Variants in PRKAG2 observed in about 807,000 individuals in gnomAD.
The protein encoded by PRKAG2 is 5'-AMP-activated protein kinase subunit gamma-2.
PRKAG2 carries 26 observed loss-of-function variants against 69.6 expected under a neutral mutation model. The observed-to-expected ratio is 0.37, with a 90% CI of 0.27 to 0.52. The LOEUF is 0.52. Ranked by LOEUF, PRKAG2 falls within the 20% of genes least tolerant of loss-of-function variation. The pLI is 0.90. For synonymous variants in PRKAG2, 293 were observed against 285.0 expected (o/e 1.03, Z -0.28); for missense variants, 557 against 740.0 (o/e 0.75, Z 2.87).
At chr7:151,574,276 C>CA (rs1808386233) in intron 8 of PRKAG2, among the ~76,000 whole-genome samples, 1 of 152,060 alleles carries the variant, frequency 6.6e-6, no homozygotes, top group African/African-American at 2.4e-5. Context: ...ACTAAAAACA[C>CA]AAAACCAAGC....
At chr7:151,703,845 AACACACACACACACAC>A (rs535818189) in intron 3 of PRKAG2, among the ~76,000 whole-genome samples, 1,356 of 88,530 alleles carry the variant, frequency 0.015, 21 homozygotes, top group South Asian at 0.032. Flanking sequence ...TTTACTGGAA[AACACACACACACACAC>A]ACACACACAC....
At chr7:151,579,237 G>T (rs1206477648) in intron 6 of PRKAG2, among the ~76,000 whole-genome samples, 2 of 152,114 alleles carry the variant, frequency 1.3e-5, no homozygotes, top group East Asian at 1.9e-4. Context: ...GCCCAGACTG[G>T]TCTCAAACTC....
intron 3 of PRKAG2, among the ~76,000 whole-genome samples, chr7:151,726,829 A>G (rs1206226372): frequency 2.6e-5 from 4 of 152,146 alleles, no homozygotes; most frequent in African/African-American, 7.2e-5. Context: ...TTCGTCATCT[A>G]TGATCTGTGC....
At chr7:151,841,578 T>TGGTAGTGATGGTAGGTAGTGATG (rs2079287335) in intron 1 of PRKAG2, among the ~76,000 whole-genome samples, 1 of 145,440 alleles carries the variant, frequency 6.9e-6, no homozygotes, top group African/African-American at 2.6e-5. Context: ...TAGGTAGTGA[T>TGGTAGTGATGGTAGGTAGTGATG]GGTAGTGATG....
At chr7:151,746,357 A>T (rs999797172) in intron 3 of PRKAG2, among the ~76,000 whole-genome samples, 4 of 152,358 alleles carry the variant, frequency 2.6e-5, no homozygotes, top group African/African-American at 9.6e-5. Context: ...ATATATTTCA[A>T]AACAAGGTAA....
At position 151,876,663 on chromosome 7, in the gene PRKAG2, C is replaced by T. The variant is rs750052426; in HGVS notation, c.-43G>A. On this transcript the variant is annotated 5_prime_UTR_variant, in exon 1 of 16. Coordinates refer to ENST00000287878, the MANE Select transcript of PRKAG2 (RefSeq NM_016203.4). ...GATTCTGCGAAACTCCTCGGGGGTT[C>T]GGTCCCCTCCTTCCCTCCCCCGGCC... 1.8e-5 allele frequency: 29 copies of T among 1,571,578 alleles called. No individual in the cohort carries two copies. Among genetic ancestry groups the T allele is most frequent in the Admixed American group, 3.3e-5 (2 of 59,724 alleles).
Position 151,616,831 on chromosome 7 carries a change from A to G in PRKAG2, c.754+15238T>C, listed in dbSNP as rs569595389. Among the ~76,000 whole-genome samples the G allele has an allele frequency of 5.3e-4, 80 of 152,350 alleles. 1 individual carries two copies. Among genetic ancestry groups the G allele is most frequent in the Non-Finnish European group, 9.6e-4 (65 of 68,028 alleles). The stretch of plus-strand genomic sequence containing the variant: ...TAGCATATACAAAGACAGAGGTCCC[A>G]AAGAACATGGCATGTTTGAAAAATG... On this transcript the variant is annotated intron_variant, in intron 5 of 15. Transcript: ENST00000287878.
chr7:151,640,394 C>T (rs1397101007), intron 4 of PRKAG2, among the ~76,000 whole-genome samples: 1 of 152,110 alleles, frequency 6.6e-6, no homozygotes, highest in Non-Finnish European at 1.5e-5. Context: ...ATTTTCTTGG[C>T]AAACTCCTGA....
intron 1 of PRKAG2, among the ~76,000 whole-genome samples, chr7:151,869,052 T>C (rs528022658): frequency 6.6e-6 from 1 of 151,326 alleles, no homozygotes; most frequent in Admixed American, 6.6e-5. Context: ...AAACCCTGAG[T>C]GCAAACTAGC....
At chr7:151,803,805 G>A (rs144557557) in intron 1 of PRKAG2, among the ~76,000 whole-genome samples, 1 of 151,478 alleles carries the variant, frequency 6.6e-6, no homozygotes, top group Non-Finnish European at 1.5e-5. Flanking sequence ...GGGCATGGTG[G>A]TGGGCGCCTA....
intron 1 of PRKAG2, among the ~76,000 whole-genome samples, chr7:151,816,623 A>T (rs1448806469): frequency 6.6e-6 from 1 of 152,194 alleles, no homozygotes; most frequent in African/African-American, 2.4e-5. Flanking sequence ...GCTAGCATAA[A>T]CCTGAGGTTT....
In PRKAG2 at chr7:151,700,163, T is replaced by C. The variant is rs139596499; in HGVS notation, c.467-24526A>G. ...CCAACAAGGGAAATCGGGGGTGACG[T>C]TTAGCAGCTCCTTCTGCAGCAGTGT... On this transcript the variant is annotated intron_variant, in intron 3 of 15. Transcript: ENST00000287878. Among the ~76,000 whole-genome samples, 46 of 152,286 alleles carry C rather than the reference T, an allele frequency of 3.0e-4. 1 individual carries two copies. The highest frequency in any genetic ancestry group is 1.1e-3 in the African/African-American group (46 of 41,554).
At chr7:151,608,993 C>G (rs1281123381) in intron 5 of PRKAG2, among the ~76,000 whole-genome samples, 1 of 152,138 alleles carries the variant, frequency 6.6e-6, no homozygotes, top group Non-Finnish European at 1.5e-5. Context: ...TCCCACATAG[C>G]TGGGACTATA....
intron 3 of PRKAG2, among the ~76,000 whole-genome samples, chr7:151,707,788 C>T (rs909486314): frequency 9.2e-5 from 14 of 152,140 alleles, no homozygotes; most frequent in African/African-American, 3.1e-4. Flanking sequence ...GCTGGGCCTA[C>T]GTCAGTAGGG....
intron 1 of PRKAG2, among the ~76,000 whole-genome samples, chr7:151,819,283 G>A (rs775024365): frequency 4.6e-5 from 7 of 152,220 alleles, no homozygotes; most frequent in Non-Finnish European, 4.4e-5. Flanking sequence ...AGAGGGCAGC[G>A]CTGAGACTTC....
intron 3 of PRKAG2, among the ~76,000 whole-genome samples, chr7:151,684,559 T>C (rs924321542): frequency 6.6e-6 from 1 of 152,180 alleles, no homozygotes; most frequent in African/African-American, 2.4e-5. Flanking sequence ...CCGTATTCAG[T>C]ATGGGCAGCT....
chr7:151,742,311 G>A (rs1446926611), intron 3 of PRKAG2, among the ~76,000 whole-genome samples: 1 of 152,138 alleles, frequency 6.6e-6, no homozygotes, highest in Non-Finnish European at 1.5e-5. Flanking sequence ...ATTTTAGGCT[G>A]GGAAATTTAA....
intron 6 of PRKAG2, among the ~76,000 whole-genome samples, chr7:151,593,975 G>A (rs1459668064): frequency 1.3e-5 from 2 of 152,198 alleles, no homozygotes; most frequent in African/African-American, 4.8e-5. Flanking sequence ...CCAAGAGCCC[G>A]GGGAGCCCTC....
chr7:151,679,156 G>A (rs533588309), intron 3 of PRKAG2, among the ~76,000 whole-genome samples: 2 of 152,152 alleles, frequency 1.3e-5, no homozygotes, highest in South Asian at 2.1e-4. Flanking sequence ...CGGCCCATCC[G>A]GACCCTTCTC....
Sources: gnomAD v4.1 joint callset for allele counts (sites outside exome capture counted in the v4.1 genomes callset) on GRCh38, gnomAD v4.1.1 for gene constraint, MANE v1.5 for transcripts, NCBI Gene and HGNC (gene_info 2026-07-23, HGNC 2026-07-21) for gene names.